Variants in DLGAP2 observed in about 807,000 individuals in gnomAD.
DLGAP2 encodes disks large-associated protein 2.
In DLGAP2, 26 loss-of-function variants were observed where a neutral mutation model predicts 100.3. The ratio of observed to expected loss-of-function variants is 0.26; its 90% CI spans 0.19 to 0.36. The LOEUF is 0.36. Ranked by LOEUF, DLGAP2 falls within the 10% of genes least tolerant of loss-of-function variation. DLGAP2 has a pLI of 1.00. For missense variants in DLGAP2, 1,858 were observed against 1,453.2 expected, an observed-to-expected ratio of 1.28 and a Z score of -4.53; for synonymous variants, 886 against 630.1, an observed-to-expected ratio of 1.41 and a Z score of -6.08.
At chr8:896,903 T>A (rs912883971) in intron 1 of DLGAP2, among the ~76,000 whole-genome samples, 12 of 152,198 alleles carry the variant, frequency 7.9e-5, no homozygotes, top group Non-Finnish European at 2.9e-5. Flanking sequence ...TGAAGAGTCT[T>A]CATGGATGGT....
At chr8:1,037,875 T>A (rs1802180395) in intron 2 of DLGAP2, among the ~76,000 whole-genome samples, 1 of 152,176 alleles carries the variant, frequency 6.6e-6, no homozygotes, top group Non-Finnish European at 1.5e-5. Flanking sequence ...TCTCCACAAT[T>A]CTGATCCAGC....
chr8:765,844 C>T (rs545920610), intron 1 of DLGAP2, among the ~76,000 whole-genome samples: 27 of 152,270 alleles, frequency 1.8e-4, no homozygotes, highest in Admixed American at 1.5e-3. Context: ...CACCCCCACA[C>T]ACATGCAACC....
intron 3 of DLGAP2, among the ~76,000 whole-genome samples, chr8:1,474,938 C>T (rs969213404): frequency 6.6e-6 from 1 of 152,202 alleles, no homozygotes; most frequent in Non-Finnish European, 1.5e-5. Flanking sequence ...CCCATACAGA[C>T]ATCACAGCAC....
At chr8:1,142,829 C>T (rs1376669207) in intron 2 of DLGAP2, among the ~76,000 whole-genome samples, 1 of 152,002 alleles carries the variant, frequency 6.6e-6, no homozygotes, top group South Asian at 2.1e-4. Flanking sequence ...AGAGACCTGG[C>T]GGGAGGAGGA....
chr8:1,186,192 G>A (rs1230898165), intron 2 of DLGAP2, among the ~76,000 whole-genome samples: 5 of 152,252 alleles, frequency 3.3e-5, no homozygotes, highest in African/African-American at 7.2e-5. Flanking sequence ...GCGATGGGTC[G>A]GTGGCACCGA....
chr8:877,344 G>A (rs1797704425), intron 1 of DLGAP2, among the ~76,000 whole-genome samples: 1 of 152,096 alleles, frequency 6.6e-6, no homozygotes. Flanking sequence ...TTTGTTTAGA[G>A]GAGTCTAGAC....
intron 2 of DLGAP2, among the ~76,000 whole-genome samples, chr8:1,152,444 A>G (rs1369304363): frequency 6.6e-6 from 1 of 152,262 alleles, no homozygotes; most frequent in Non-Finnish European, 1.5e-5. Context: ...CTCTGGAGCT[A>G]TGAATGACTG....
At chr8:1,215,301 C>T (rs1798191562) in intron 2 of DLGAP2, among the ~76,000 whole-genome samples, 1 of 152,218 alleles carries the variant, frequency 6.6e-6, no homozygotes, top group South Asian at 2.1e-4. Context: ...GACATGTCAG[C>T]ACCTTCTGAG....
chr8:1,540,583 G>A lies in DLGAP2; in HGVS notation c.173-8043G>A, dbSNP rs532248392. On this transcript the variant is annotated intron_variant, in intron 4 of 14. Transcript: ENST00000637795. ...ACCATAATGTAGCAAACTTCCTGCC[G>A]GGCTGGGCGCTGGAGTCGGGTGTGG... 1.1e-4 allele frequency among the ~76,000 whole-genome samples: 17 copies of A among 152,284 alleles called. No individual in the cohort carries two copies. The South Asian group carries it at 2.1e-3, about 19-fold the overall frequency.
intron 8 of DLGAP2, among the ~76,000 whole-genome samples, chr8:1,663,381 G>T (rs919107408): frequency 4.6e-5 from 7 of 152,068 alleles, no homozygotes; most frequent in African/African-American, 1.7e-4. Context: ...GGGACCCGGT[G>T]GTGACAGCGC....
chr8:1,242,095 C>A (rs746010558), intron 2 of DLGAP2, among the ~76,000 whole-genome samples: 1 of 152,114 alleles, frequency 6.6e-6, no homozygotes, highest in Non-Finnish European at 1.5e-5. Flanking sequence ...TGTAGATAAA[C>A]CTACCTAAAG....
chr8:1,699,647 T>C (rs1799512937), intron 14 of DLGAP2, among the ~76,000 whole-genome samples: 1 of 151,312 alleles, frequency 6.6e-6, no homozygotes, highest in African/African-American at 2.4e-5. Flanking sequence ...AAATGGTTTC[T>C]CGCTGAGGGC....
intron 1 of DLGAP2, among the ~76,000 whole-genome samples, chr8:787,767 G>A (rs1244216002): frequency 1.3e-5 from 2 of 152,206 alleles, no homozygotes; most frequent in Non-Finnish European, 2.9e-5. Flanking sequence ...TCATCTTCCT[G>A]GAGTGTATTT....
chr8:1,172,555 C>T, intron 2 of DLGAP2, among the ~76,000 whole-genome samples: 1 of 152,142 alleles, frequency 6.6e-6, no homozygotes, highest in African/African-American at 2.4e-5. Context: ...TCACATAGTC[C>T]CATATTTCTT....
At chr8:921,598 G>A (rs554832116) in intron 2 of DLGAP2, among the ~76,000 whole-genome samples, 26 of 152,342 alleles carry the variant, frequency 1.7e-4, no homozygotes, top group Non-Finnish European at 2.4e-4. Flanking sequence ...TCCTGGTCCC[G>A]TGTCCCTTCT....
rs550221296 is a variant in DLGAP2 at position 1,146,201 on chromosome 8, G to A, written c.74-112650G>A. Among the ~76,000 whole-genome samples the A allele has an allele frequency of 3.3e-5, 5 of 152,296 alleles. No homozygotes were observed. In the South Asian group the frequency reaches 1.0e-3, roughly 32 times the overall value. On this transcript the variant is annotated intron_variant, in intron 2 of 14. Transcript: ENST00000637795. ...CCTGCAGGTGCTGTGACAGCATCTT[G>A]TCATGGTTTAATGTAACTTCCTGGA...
chr8:745,795 T>G (rs1820603417), intron 1 of DLGAP2, among the ~76,000 whole-genome samples: 1 of 152,208 alleles, frequency 6.6e-6, no homozygotes, highest in Admixed American at 6.5e-5. Context: ...CCATATTAAG[T>G]AAAGAGAACG....
chr8:1,225,288 G>C (rs1000928426), intron 2 of DLGAP2, among the ~76,000 whole-genome samples: 2 of 152,172 alleles, frequency 1.3e-5, no homozygotes, highest in Non-Finnish European at 2.9e-5. Flanking sequence ...GCGGAGGAAG[G>C]ACCTCAGAAA....
chr8:1,385,577 T>C lies in DLGAP2; in HGVS notation c.107-115789T>C, dbSNP rs1197747446. ...GTCCCCTGAGAACTTGGTGCACAAT[T>C]ACCCGGCCTGTGCCCGTCCCCTGAG... is the stretch of plus-strand genomic sequence containing the variant. On this transcript the variant is annotated intron_variant, in intron 3 of 14. Coordinates refer to ENST00000637795, the MANE Select transcript of DLGAP2 (RefSeq NM_001346810.2). 6.0e-5 allele frequency among the ~76,000 whole-genome samples: 3 copies of C among 49,994 alleles called. 1 individual carries two copies. The highest frequency in any genetic ancestry group is 2.4e-4 in the African/African-American group (3 of 12,338). The allele number at this position is 49,994 out of a possible 152,430, so 32.8% of individuals were successfully genotyped here. A position where few individuals can be genotyped will look rare whatever the true frequency, so the allele number is the denominator to read the frequency against.
Sources: allele counts gnomAD v4.1 joint callset (sites outside exome capture counted in the v4.1 genomes callset), GRCh38; gene constraint gnomAD v4.1.1; transcripts MANE v1.5; gene names NCBI Gene and HGNC (gene_info 2026-07-23, HGNC 2026-07-21).